Variants in TXNDC16 observed in about 807,000 individuals in gnomAD.
TXNDC16 encodes the protein thioredoxin domain containing 16.
Under a neutral mutation model 85.6 loss-of-function variants are expected in TXNDC16, and 74 were observed. That is an observed-to-expected ratio of 0.86 (90% confidence interval 0.72 to 1.05). The LOEUF is 1.05. TXNDC16 is among the 50% of genes least tolerant of loss of function. The pLI, the probability that TXNDC16 is intolerant of heterozygous loss-of-function variation, is 0.00. For synonymous variants in TXNDC16, 335 were observed against 326.5 expected (o/e 1.03, Z -0.28); for missense variants, 959 against 947.0 (o/e 1.01, Z -0.17).
chr14:52,500,335 T>G (rs977220414), intron 9 of TXNDC16, among the ~76,000 whole-genome samples: 1 of 152,220 alleles, frequency 6.6e-6, no homozygotes, highest in South Asian at 2.1e-4. Flanking sequence ...GACATTATTC[T>G]AAGTGAAATA....
At chr14:52,511,986 A>G (rs115496073) in intron 8 of TXNDC16, among the ~76,000 whole-genome samples, 1 of 152,160 alleles carries the variant, frequency 6.6e-6, no homozygotes, top group African/African-American at 2.4e-5. Flanking sequence ...TAGTGGAGAT[A>G]AGGTTTGCCA....
At chr14:52,501,568 A>G (rs1038920526) in intron 9 of TXNDC16, among the ~76,000 whole-genome samples, 4 of 152,210 alleles carry the variant, frequency 2.6e-5, no homozygotes, top group African/African-American at 9.6e-5. Flanking sequence ...AACAGGGGGA[A>G]TGAGCTTCAG....
At chr14:52,482,315 G>T in intron 13 of TXNDC16, 26 bp from the exon 14 acceptor site, 1 of 1,586,944 alleles carries the variant, frequency 6.3e-7, no homozygotes, top group South Asian at 1.1e-5. Flanking sequence ...AAATTCAACA[G>T]ATATTACATG....
chr14:52,481,718 G>T (rs1044906896), intron 14 of TXNDC16, among the ~76,000 whole-genome samples: 1 of 152,106 alleles, frequency 6.6e-6, no homozygotes. Context: ...CCATTCCTTG[G>T]ATCTTTATTT....
chr14:52,454,186 G>C (rs546254334), intron 18 of TXNDC16, among the ~76,000 whole-genome samples: 1 of 152,094 alleles, frequency 6.6e-6, no homozygotes, highest in East Asian at 1.9e-4. Context: ...AGCACTTTGG[G>C]AGGCCAAGGC....
intron 20 of TXNDC16, among the ~76,000 whole-genome samples, chr14:52,434,093 G>A (rs2034969664): frequency 6.6e-6 from 1 of 152,168 alleles, no homozygotes; most frequent in Non-Finnish European, 1.5e-5. Flanking sequence ...GGAGGTTGAG[G>A]CGGAAGGTAC....
At chr14:52,533,665 CAAT>C (rs2037634517) in intron 6 of TXNDC16, among the ~76,000 whole-genome samples, 1 of 152,162 alleles carries the variant, frequency 6.6e-6, no homozygotes, top group African/African-American at 2.4e-5. Context: ...GCTGGCTCAA[CAAT>C]GTTAAATTTT....
intron 9 of TXNDC16, among the ~76,000 whole-genome samples, chr14:52,503,762 C>T (rs968165139): frequency 5.3e-5 from 8 of 151,968 alleles, no homozygotes; most frequent in South Asian, 2.1e-4. Flanking sequence ...AGGCTTCAGA[C>T]GATCAAACTA....
intron 17 of TXNDC16, among the ~76,000 whole-genome samples, chr14:52,455,788 C>T (rs2035518680): frequency 6.6e-6 from 1 of 152,160 alleles, no homozygotes; most frequent in African/African-American, 2.4e-5. Flanking sequence ...TGGACTTGCT[C>T]ACCACAATGC....
At chr14:52,452,789 T>G (rs1348982668) in intron 18 of TXNDC16, among the ~76,000 whole-genome samples, 4 of 152,064 alleles carry the variant, frequency 2.6e-5, no homozygotes, top group African/African-American at 9.7e-5. Flanking sequence ...TCTTGAGCAA[T>G]ATTATCCCAC....
At chr14:52,480,190 C>T (rs747692969) in intron 14 of TXNDC16, among the ~76,000 whole-genome samples, 22 of 152,100 alleles carry the variant, frequency 1.4e-4, no homozygotes, top group Non-Finnish European at 2.9e-4. Context: ...AAATCTAAGA[C>T]CTGAAACTAT....
At chr14:52,534,050 C>A (rs543480745) in intron 6 of TXNDC16, among the ~76,000 whole-genome samples, 143 of 152,228 alleles carry the variant, frequency 9.4e-4, no homozygotes, top group African/African-American at 2.9e-3. Context: ...GCAGCTTCCC[C>A]CTGTGAGGTT....
intron 16 of TXNDC16, among the ~76,000 whole-genome samples, chr14:52,465,653 A>G (rs2140126577): frequency 6.6e-6 from 1 of 152,254 alleles, no homozygotes; most frequent in South Asian, 2.1e-4. Context: ...CTAGATGCAA[A>G]AGCAACAAAT....
intron 8 of TXNDC16, among the ~76,000 whole-genome samples, chr14:52,512,142 A>G (rs2036970738): frequency 6.6e-6 from 1 of 152,206 alleles, no homozygotes; most frequent in South Asian, 2.1e-4. Context: ...AAATTTAATT[A>G]CCAAGTAATT....
In TXNDC16 at chr14:52,511,229, A is replaced by C. The variant is rs2036946076; in HGVS notation, c.756+11T>G. On this transcript the variant is annotated intron_variant, in intron 9 of 20. Coordinates refer to ENST00000281741, the MANE Select transcript of TXNDC16 (RefSeq NM_020784.3). ...TAGAAAGCAAATAAAAATATAAAAT[A>C]AGACACATACCAACAGAGGTGCTTT... The C allele has an allele frequency of 1.3e-6, 2 of 1,516,602 alleles. No individual in the cohort carries two copies. The highest frequency in any genetic ancestry group is 4.7e-5 in the East Asian group (2 of 42,860). 93.9% of individuals were successfully genotyped at this position (1,516,602 alleles called of 1,614,324 possible).
intron 1 of TXNDC16, among the ~76,000 whole-genome samples, chr14:52,546,449 C>G (rs1182641072): frequency 6.6e-6 from 1 of 152,160 alleles, no homozygotes; most frequent in African/African-American, 2.4e-5. Flanking sequence ...AAGCTCCCTC[C>G]ATCCTCCACC....
chr14:52,538,333 G>T (rs1336184849), intron 4 of TXNDC16, among the ~76,000 whole-genome samples: 1 of 152,146 alleles, frequency 6.6e-6, no homozygotes, highest in Non-Finnish European at 1.5e-5. Flanking sequence ...ACAACAGAAA[G>T]AATGAACTAA....
chr14:52,499,448 C>A (rs1334196077), intron 9 of TXNDC16, among the ~76,000 whole-genome samples: 1 of 151,912 alleles, frequency 6.6e-6, no homozygotes, highest in African/African-American at 2.4e-5. Flanking sequence ...ACAAATAACT[C>A]AATTTTTTAA....
At chr14:52,443,113 T>C (rs1183086161) in intron 18 of TXNDC16, among the ~76,000 whole-genome samples, 4 of 152,032 alleles carry the variant, frequency 2.6e-5, no homozygotes, top group Admixed American at 6.5e-5. Context: ...TTTGAGTCGG[T>C]GGGCTGGAAA....
Sources: allele counts gnomAD v4.1 joint callset (sites outside exome capture counted in the v4.1 genomes callset), GRCh38; gene constraint gnomAD v4.1.1; transcripts MANE v1.5; gene names NCBI Gene and HGNC (gene_info 2026-07-23, HGNC 2026-07-21).